UGT1A10: variants seen among roughly 807,000 people sequenced by gnomAD.
The protein encoded by UGT1A10 is UDP glucuronosyltransferase family 1 member A10, also known as UDP-glucuronosyltransferase 1A10.
Under a neutral mutation model 45.8 loss-of-function variants are expected in UGT1A10, and 49 were observed. That is an observed-to-expected ratio of 1.07 (90% CI 0.85 to 1.36). The LOEUF (loss-of-function observed/expected upper bound fraction) is 1.36, where lower values mean the gene tolerates loss of function less well. Among genes scored for constraint, UGT1A10 ranks in the 40% most tolerant of loss-of-function variants. The probability of loss-of-function intolerance (pLI) is 0.00; values close to 1 mark genes in which losing one functional copy is unlikely to be tolerated. For synonymous variants in UGT1A10, 284 were observed against 249.7 expected (o/e 1.14, Z -1.29); for missense variants, 745 against 668.6 (o/e 1.11, Z -1.26).
chr2:233,638,214 A>T (rs1184533470), intron 1 of UGT1A10, among the ~76,000 whole-genome samples: 1 of 152,210 alleles, frequency 6.6e-6, no homozygotes, highest in African/African-American at 2.4e-5. Flanking sequence ...ATATACATAA[A>T]TAAAAATTTT....
intron 1 of UGT1A10, among the ~76,000 whole-genome samples, chr2:233,700,555 A>G (rs1237655916): frequency 6.6e-6 from 1 of 152,212 alleles, no homozygotes; most frequent in African/African-American, 2.4e-5. Context: ...AAGGGGTTAT[A>G]AAAATATAAC....
Position 233,714,841 on chromosome 2 carries a change from T to C in UGT1A10, c.856-52193T>C, listed in dbSNP as rs560513548. Among the ~76,000 whole-genome samples, 282 of 152,342 alleles carry C rather than the reference T, an allele frequency of 1.9e-3. 2 individuals are homozygous for C. Among genetic ancestry groups the C allele is most frequent in the African/African-American group, 6.5e-3 (270 of 41,588 alleles). ...GTGACAACAATATGGTGAATGTTTATAAATATTCCATGGATAAAACTAAAA... is the reference window on the plus strand; with the variant it reads ...GTGACAACAATATGGTGAATGTTTACAAATATTCCATGGATAAAACTAAAA... On this transcript the variant is annotated intron_variant, in intron 1 of 4. Coordinates refer to ENST00000344644, the MANE Select transcript of UGT1A10 (RefSeq NM_019075.4).
At chr2:233,729,603 A>G (rs7574296) in intron 1 of UGT1A10, 749,893 of 1,613,688 alleles carry the variant, frequency 0.46, 180,593 homozygotes, top group African/African-American at 0.76. Context: ...TCTGCGCGGC[A>G]GTGCTGGCTA....
intron 1 of UGT1A10, among the ~76,000 whole-genome samples, chr2:233,707,521 G>A (rs1189449624): frequency 1.5e-5 from 2 of 134,020 alleles, no homozygotes; most frequent in Non-Finnish European, 3.2e-5. Flanking sequence ...GAATTTTACT[G>A]TTTTTCTTTG....
intron 1 of UGT1A10, among the ~76,000 whole-genome samples, chr2:233,698,757 T>C (rs555801877): frequency 6.6e-6 from 1 of 152,354 alleles, no homozygotes; most frequent in South Asian, 2.1e-4. Context: ...AATGCTATGA[T>C]TCAGAAAGAA....
intron 1 of UGT1A10, among the ~76,000 whole-genome samples, chr2:233,649,614 C>T (rs2073690289): frequency 6.6e-6 from 1 of 152,204 alleles, no homozygotes; most frequent in Admixed American, 6.5e-5. Flanking sequence ...GACATCTTCA[C>T]AGATTTGACA....
At chr2:233,753,689 A>C (rs1483181557) in intron 1 of UGT1A10, 1 of 152,256 alleles carries the variant, frequency 6.6e-6, no homozygotes, top group African/African-American at 2.4e-5. Flanking sequence ...AAACAATATT[A>C]CAGATGCACT....
At chr2:233,761,270 CTT>C in intron 1 of UGT1A10, 1 of 1,591,968 alleles carries the variant, frequency 6.3e-7, no homozygotes, top group Non-Finnish European at 8.6e-7. Context: ...AAAATGCCCT[CTT>C]TTGTTAATTT....
chr2:233,708,423 A>G (rs759407655), intron 1 of UGT1A10: 8 of 152,174 alleles, frequency 5.3e-5, no homozygotes, highest in Non-Finnish European at 1.0e-4. Flanking sequence ...ACCAGTGAAG[A>G]TAAGAACTGG....
At chr2:233,760,223 T>G (rs1453955510) in intron 1 of UGT1A10, 1 of 1,589,146 alleles carries the variant, frequency 6.3e-7, no homozygotes, top group African/African-American at 1.5e-5. Flanking sequence ...GTGTATCGAT[T>G]GGTTTTTGCC....
At chr2:233,674,982 T>C (rs889252706) in intron 1 of UGT1A10, among the ~76,000 whole-genome samples, 2 of 152,226 alleles carry the variant, frequency 1.3e-5, no homozygotes, top group African/African-American at 4.8e-5. Context: ...GTCTGTGTCT[T>C]ATCTGTCTGA....
intron 1 of UGT1A10, among the ~76,000 whole-genome samples, chr2:233,761,459 C>T (rs974462920): frequency 3.9e-5 from 6 of 152,156 alleles, no homozygotes; most frequent in African/African-American, 1.4e-4. Context: ...TTTGGGGCAC[C>T]CTGCAGAAAA....
intron 1 of UGT1A10, chr2:233,713,795 G>C: frequency 6.2e-7 from 1 of 1,614,030 alleles, no homozygotes; most frequent in East Asian, 2.2e-5. Flanking sequence ...ACCCCAGGCC[G>C]ATCATGCCCA....
chr2:233,754,390 C>G, intron 1 of UGT1A10: 1 of 303,204 alleles, frequency 3.3e-6, no homozygotes, highest in Admixed American at 4.5e-5. Flanking sequence ...AACAGAGGTC[C>G]TATCCGTGCA....
At chr2:233,671,864 G>A (rs1220268503) in intron 1 of UGT1A10, 3 of 1,517,530 alleles carry the variant, frequency 2.0e-6, no homozygotes, top group East Asian at 2.3e-5. Context: ...GTTTTGTGCT[G>A]GTATTTCTCC....
intron 1 of UGT1A10, chr2:233,693,895 T>C (rs1472184778): frequency 1.2e-6 from 2 of 1,613,784 alleles, no homozygotes; most frequent in South Asian, 2.2e-5. Flanking sequence ...TTGGACTGCC[T>C]TGTTTCTTCC....
At chr2:233,671,155 G>A (rs1346642215) in intron 1 of UGT1A10, among the ~76,000 whole-genome samples, 1 of 152,248 alleles carries the variant, frequency 6.6e-6, no homozygotes, top group Non-Finnish European at 1.5e-5. Context: ...CTGAAGGAGG[G>A]CACTGGAGTG....
chr2:233,682,670 T>C, intron 1 of UGT1A10: 2 of 1,613,882 alleles, frequency 1.2e-6, no homozygotes, highest in Non-Finnish European at 1.7e-6. Flanking sequence ...ATATGATCTC[T>C]ACAGCCACAC....
chr2:233,690,599 A>G, intron 1 of UGT1A10: 1 of 1,289,594 alleles, frequency 7.8e-7, no homozygotes. Flanking sequence ...AAAAAAAAAA[A>G]ATCGGCCTTT....
Sources: gnomAD v4.1 joint callset for allele counts (sites outside exome capture counted in the v4.1 genomes callset) on GRCh38, gnomAD v4.1.1 for gene constraint, MANE v1.5 for transcripts, NCBI Gene and HGNC (gene_info 2026-07-23, HGNC 2026-07-21) for gene names.